The following UBXN11 variants were observed in gnomAD, a reference collection of about 807,000 sequenced individuals.
UBXN11 encodes UBX domain-containing protein 11.
Under a neutral mutation model 62.8 loss-of-function variants are expected in UBXN11, and 47 were observed. The ratio of observed to expected loss-of-function variants is 0.75; its 90% CI spans 0.59 to 0.95. The LOEUF (loss-of-function observed/expected upper bound fraction) is 0.95. Among genes scored for constraint, UBXN11 ranks in the 40% least tolerant of loss-of-function variants. The pLI is 0.00. For synonymous variants in UBXN11, 294 were observed against 267.0 expected, an observed-to-expected ratio of 1.10 and a Z score of -0.99; for missense variants, 638 against 661.7, an observed-to-expected ratio of 0.96 and a Z score of 0.39.
intron 8 of UBXN11, among the ~76,000 whole-genome samples, chr1:26,290,760 G>C (rs917465094): frequency 6.6e-6 from 1 of 151,820 alleles, no homozygotes; most frequent in African/African-American, 2.4e-5. Flanking sequence ...TAGGGGAAGT[G>C]GGGATTTCAG....
intron 3 of UBXN11, among the ~76,000 whole-genome samples, chr1:26,301,349 G>A (rs2073529551): frequency 6.6e-6 from 1 of 152,106 alleles, no homozygotes; most frequent in African/African-American, 2.4e-5. Context: ...CACACTGGAG[G>A]AGGCTGGAGG....
Position 26,282,769 on chromosome 1 carries a change from G to A in UBXN11, c.1172C>T (p.Thr391Met), listed in dbSNP as rs764147178. 21 of 1,614,032 alleles carry A rather than the reference G, an allele frequency of 1.3e-5. No individual in the cohort carries two copies. In the Admixed American group the frequency reaches 1.8e-4, roughly 14 times the overall value. The change falls in exon 14 of 15, where the codon ACG becomes ATG. Residue 391 changes from threonine (T) to methionine (M), a missense_variant. Transcript: ENST00000374222. ...CAGCATGGAGAGCGGGGGTGCCGGC[G>A]TGTTGGGTGACTCCTGGCTCCTGCA... is the stretch of plus-strand genomic sequence containing the variant. ...ERERSQESPNTPAPPLSMLRI... is the reference protein window; with the variant it reads ...ERERSQESPNMPAPPLSMLRI...
chr1:26,299,511 C>CA (rs71581050), intron 4 of UBXN11, among the ~76,000 whole-genome samples: 62,061 of 102,764 alleles, frequency 0.6, 16,967 homozygotes, highest in Non-Finnish European at 0.68. Flanking sequence ...AGGCAGTCTC[C>CA]AAAAAAAAAA....
At chr1:26,288,486 G>A (rs1475048331) in intron 8 of UBXN11, among the ~76,000 whole-genome samples, 1 of 152,162 alleles carries the variant, frequency 6.6e-6, no homozygotes, top group African/African-American at 2.4e-5. Context: ...GAGAGAATGA[G>A]GTGGGAAGAG....
chr1:26,287,702 C>T (rs1423566155), intron 8 of UBXN11, among the ~76,000 whole-genome samples: 1 of 152,042 alleles, frequency 6.6e-6, no homozygotes, highest in Admixed American at 6.5e-5. Flanking sequence ...TTCTCCTCTC[C>T]CCTATATTTC....
chr1:26,312,055 T>G (rs920280426), intron 1 of UBXN11, among the ~76,000 whole-genome samples: 7 of 152,156 alleles, frequency 4.6e-5, no homozygotes, highest in African/African-American at 1.4e-4. Context: ...GAAACCGTCA[T>G]GTTCTCCCCT....
At chr1:26,283,020 AC>A in intron 12 of UBXN11, 83 bp from the exon 13 acceptor site, 1 of 1,572,374 alleles carries the variant, frequency 6.4e-7, no homozygotes, top group South Asian at 1.1e-5. Context: ...CACTTCCTTG[AC>A]CAGGGACAGA....
At position 26,282,419 on chromosome 1, in the gene UBXN11, G is replaced by C. The variant is rs1036080832; in HGVS notation, c.1443C>G (p.Phe481Leu). Reference protein sequence around the residue: ...ARRAPKSSLKFSPGPCPGPGP... With the variant: ...ARRAPKSSLKLSPGPCPGPGP... Reference sequence around the variant, plus strand: ...CGGGACCGGGACAGGGACCAGGACTGAATTTCAGGCTGGACTTCGGGGCTC... The same window carrying C: ...CGGGACCGGGACAGGGACCAGGACTCAATTTCAGGCTGGACTTCGGGGCTC... The change falls in exon 15 of 15, where the codon TTC (phenylalanine) becomes TTG (leucine). Residue 481 changes from phenylalanine (F) to leucine (L), a missense_variant. Transcript: ENST00000374222. The C allele has an allele frequency of 6.2e-7, 1 of 1,611,506 alleles. No homozygotes were observed. Among genetic ancestry groups the C allele is most frequent in the Non-Finnish European group, 8.5e-7 (1 of 1,179,106 alleles).
At position 26,286,311 on chromosome 1, in the gene UBXN11, T is replaced by C. The variant is rs369656728; in HGVS notation, c.560-274A>G. Among the ~76,000 whole-genome samples, 57 of 152,290 alleles carry C rather than the reference T, an allele frequency of 3.7e-4. 1 individual carries two copies. Among genetic ancestry groups the C allele is most frequent in the African/African-American group, 1.4e-3 (57 of 41,560 alleles). On this transcript the variant is annotated intron_variant, in intron 8 of 14. Transcript: ENST00000374222. ...CCTCCATTTTTTCAGATGAGGAAAC[T>C]GAGGGTTAGAGAAAGTTACATGGCT... is the stretch of plus-strand genomic sequence containing the variant.
At chr1:26,305,965 AGTCCAGTCC>A in intron 1 of UBXN11, among the ~76,000 whole-genome samples, 1 of 152,306 alleles carries the variant, frequency 6.6e-6, no homozygotes, top group East Asian at 1.9e-4. Flanking sequence ...GTGTCACTCC[AGTCCAGTCC>A]GACACATTGT....
chr1:26,293,998 T>C (rs3732416), intron 8 of UBXN11, among the ~76,000 whole-genome samples: 132,830 of 152,098 alleles, frequency 0.87, 58,981 homozygotes, highest in Non-Finnish European at 0.93. Flanking sequence ...GGTAGGACCG[T>C]GGAGAAGTGG....
chr1:26,302,805 C>A lies in UBXN11; in HGVS notation c.71+8G>T. The A allele has an allele frequency of 6.2e-7, 1 of 1,612,972 alleles. No homozygotes were observed. Among genetic ancestry groups the A allele is most frequent in the South Asian group, 1.1e-5 (1 of 90,920 alleles). On this transcript the variant is annotated splice_region_variant and intron_variant, in intron 2 of 14. Coordinates refer to ENST00000374222, the MANE Select transcript of UBXN11 (RefSeq NM_001389556.1). ...GGGACAGAAAGACCCCTGAGGCTGGCTCCTTACCCAGGATTCATAGGCTCC... is the reference window on the plus strand; with the variant it reads ...GGGACAGAAAGACCCCTGAGGCTGGATCCTTACCCAGGATTCATAGGCTCC...
intron 8 of UBXN11, among the ~76,000 whole-genome samples, chr1:26,287,561 C>T (rs1032862216): frequency 9.2e-5 from 14 of 151,948 alleles, no homozygotes; most frequent in South Asian, 8.4e-4. Flanking sequence ...AAGCAGGCTG[C>T]GGCAGGATGT....
rs779159321 is a variant in UBXN11 at position 26,282,802 on chromosome 1, G to C, written c.1152-13C>G. On this transcript the variant is annotated splice_polypyrimidine_tract_variant and intron_variant, in intron 13 of 14. Transcript: ENST00000374222. ...TGACTCCTGGCTCCTGCACAGCCCA[G>C]AGGCCATCAGCACGCGGTGACCCAA... 6.2e-7 allele frequency: 1 copy of C among 1,614,024 alleles called. No homozygotes were observed. The highest frequency in any genetic ancestry group is 1.3e-5 in the African/African-American group (1 of 74,936).
At chr1:26,314,927 A>C (rs551167291) in intron 1 of UBXN11, among the ~76,000 whole-genome samples, 14 of 152,258 alleles carry the variant, frequency 9.2e-5, no homozygotes, top group African/African-American at 2.2e-4. Flanking sequence ...CCACCACCCC[A>C]AAAATTAGCT....
At chr1:26,316,278 T>A (rs751566574) in intron 1 of UBXN11, among the ~76,000 whole-genome samples, 9 of 151,946 alleles carry the variant, frequency 5.9e-5, no homozygotes, top group Non-Finnish European at 7.4e-5. Flanking sequence ...TCTGTTTTTT[T>A]CTTTGGACTC....
In UBXN11 at chr1:26,299,525, A is replaced by C. The variant is rs567017384; in HGVS notation, c.199+1401T>G. Among the ~76,000 whole-genome samples the C allele has an allele frequency of 1.7e-4, 24 of 144,982 alleles. No homozygotes were observed. The South Asian group carries it at 2.9e-3, about 18-fold the overall frequency. ...AAGGCAGTCTCCAAAAAAAAAAAAA[A>C]CAAAAAAAAAACCTGAGAGAAAAAA... On this transcript the variant is annotated intron_variant, in intron 4 of 14. Coordinates refer to ENST00000374222, the MANE Select transcript of UBXN11 (RefSeq NM_001389556.1).
At position 26,294,236 on chromosome 1, in the gene UBXN11, G is replaced by A; in HGVS notation, c.528C>T (p.Asp176=). 6.2e-7 allele frequency: 1 copy of A among 1,614,192 alleles called. No individual in the cohort carries two copies. The highest frequency in any genetic ancestry group is 8.5e-7 in the Non-Finnish European group (1 of 1,179,990). The part of the protein sequence containing the change: ...SKTVSEHGER[D]WMTAKKFWKP... ...TCCAGAACTTCTTGGCTGTCATCCA[G>A]TCCCTCTCGCCATGCTCTGAGACTG... Residue 176 remains aspartate (D), a synonymous_variant, in exon 8 of 15, where the codon GAC becomes GAT. Transcript: ENST00000374222.
intron 8 of UBXN11, among the ~76,000 whole-genome samples, chr1:26,292,616 G>T (rs2073295992): frequency 6.6e-6 from 1 of 152,200 alleles, no homozygotes; most frequent in Non-Finnish European, 1.5e-5. Context: ...AGCACTTTGG[G>T]ATGCCGAGGC....
Sources: allele counts gnomAD v4.1 joint callset (sites outside exome capture counted in the v4.1 genomes callset), GRCh38; gene constraint gnomAD v4.1.1; transcripts MANE v1.5; gene names NCBI Gene and HGNC (gene_info 2026-07-23, HGNC 2026-07-21).